Variants in GNG7 observed in about 807,000 individuals in gnomAD.
GNG7 encodes the protein G protein subunit gamma 7, also known as guanine nucleotide-binding protein G(I)/G(S)/G(O) subunit gamma-7.
In GNG7, 1 loss-of-function variant was observed where a neutral mutation model predicts 4.0. The ratio of observed to expected loss-of-function variants is 0.25; its 90% CI spans 0.09 to 1.18. The LOEUF is 1.18. Among genes scored for constraint, GNG7 ranks in the 50% most tolerant of loss-of-function variants. The pLI is 0.50. For missense variants in GNG7, 86 were observed against 91.9 expected (o/e 0.94, Z 0.26); for synonymous variants, 34 against 36.9 (o/e 0.92, Z 0.29).
chr19:2,610,818 C>T (rs970775356), intron 2 of GNG7: 1 of 151,850 alleles, frequency 6.6e-6, no homozygotes, highest in African/African-American at 2.4e-5. Flanking sequence ...GAGGTTTGAA[C>T]CAAAGCGGCC....
At chr19:2,682,460 C>T (rs1003147824) in intron 1 of GNG7, among the ~76,000 whole-genome samples, 1 of 151,078 alleles carries the variant, frequency 6.6e-6, no homozygotes, top group Non-Finnish European at 1.5e-5. Context: ...GTCAGGAGTT[C>T]GAGACCAGCC....
rs371997720 is a variant in GNG7 at position 2,653,584 on chromosome 19, C to T, written c.-134-7304G>A. Among the ~76,000 whole-genome samples, 1 of 152,190 alleles carries T rather than the reference C, an allele frequency of 6.6e-6. No homozygotes were observed. The highest frequency in any genetic ancestry group is 2.4e-5 in the African/African-American group (1 of 41,442). On this transcript the variant is annotated intron_variant, in intron 1 of 4. Transcript: ENST00000382159. The surrounding 1 kb of genome is among the most constrained non-coding windows in gnomAD (Gnocchi z 4.8). Reference sequence around the variant, plus strand: ...CCAGATGAATGTAGGGTCTCCCCCTCGGCACTGTGGGCATTGGGGCCGGAT... The same window carrying T: ...CCAGATGAATGTAGGGTCTCCCCCTTGGCACTGTGGGCATTGGGGCCGGAT...
chr19:2,528,502 CA>C (rs398040841), intron 3 of GNG7, among the ~76,000 whole-genome samples: 56,719 of 128,684 alleles, frequency 0.44, 11,183 homozygotes, highest in Non-Finnish European at 0.49. Context: ...AGAATGGTCT[CA>C]AAAAAAAAAA....
At chr19:2,521,695 C>T (rs1260093073) in intron 3 of GNG7, among the ~76,000 whole-genome samples, 4 of 144,276 alleles carry the variant, frequency 2.8e-5, no homozygotes, top group African/African-American at 1.0e-4. Context: ...CTCACTGCAA[C>T]CTCTGCCTCC....
At chr19:2,518,914 G>C (rs1046587085) in intron 4 of GNG7, among the ~76,000 whole-genome samples, 1 of 151,860 alleles carries the variant, frequency 6.6e-6, no homozygotes, top group Non-Finnish European at 1.5e-5. Flanking sequence ...TCCTGACTCA[G>C]TCTCCCAAGT....
At chr19:2,551,977 G>A (rs539328385) in intron 3 of GNG7, among the ~76,000 whole-genome samples, 124 of 152,162 alleles carry the variant, frequency 8.1e-4, no homozygotes, top group Admixed American at 1.2e-3. Flanking sequence ...GAGCCACGGC[G>A]CCTGACTGCT....
At chr19:2,567,900 A>G (rs927636198) in intron 2 of GNG7, among the ~76,000 whole-genome samples, 2 of 152,192 alleles carry the variant, frequency 1.3e-5, no homozygotes, top group Non-Finnish European at 2.9e-5. Context: ...GCGCTCAGGC[A>G]TGGAAGGGAG....
intron 2 of GNG7, among the ~76,000 whole-genome samples, chr19:2,598,568 A>G (rs1021321375): frequency 6.6e-6 from 1 of 151,860 alleles, no homozygotes; most frequent in African/African-American, 2.4e-5. Flanking sequence ...GAGGCAGGAG[A>G]ATGGTGTGAA....
At chr19:2,545,248 G>T (rs1979087383) in intron 3 of GNG7, among the ~76,000 whole-genome samples, 1 of 152,146 alleles carries the variant, frequency 6.6e-6, no homozygotes, top group African/African-American at 2.4e-5. Flanking sequence ...GGAGGCCAGG[G>T]ATACTGCTCA....
intron 1 of GNG7, among the ~76,000 whole-genome samples, chr19:2,693,567 A>T (rs1383784615): frequency 6.6e-6 from 1 of 152,136 alleles, no homozygotes; most frequent in Non-Finnish European, 1.5e-5. Context: ...ATTTCTGCAA[A>T]CCAGGGTCTC....
At chr19:2,651,945 C>A (rs1371533551) in intron 1 of GNG7, among the ~76,000 whole-genome samples, 2 of 151,822 alleles carry the variant, frequency 1.3e-5, no homozygotes, top group Admixed American at 6.6e-5. Context: ...GAGGCCAAGG[C>A]AGGCAGATCA....
chr19:2,604,340 C>T (rs984768492), intron 2 of GNG7, among the ~76,000 whole-genome samples: 1 of 151,390 alleles, frequency 6.6e-6, no homozygotes, highest in Non-Finnish European at 1.5e-5. Context: ...GATGTGGTGG[C>T]GTGTGCTTGT....
At chr19:2,612,033 C>T (rs113080041) in intron 2 of GNG7, among the ~76,000 whole-genome samples, 3 of 151,950 alleles carry the variant, frequency 2.0e-5, no homozygotes, top group Non-Finnish European at 2.9e-5. Context: ...CGCCACCACG[C>T]CCAGCTAATT....
chr19:2,645,519 A>G lies in GNG7; in HGVS notation c.-78+705T>C, dbSNP rs769482244. 8.2e-4 allele frequency among the ~76,000 whole-genome samples: 125 copies of G among 151,818 alleles called. 4 individuals carry two copies. Among genetic ancestry groups the G allele is most frequent in the Non-Finnish European group, 2.2e-4 (15 of 67,984 alleles). On this transcript the variant is annotated intron_variant, in intron 2 of 4. Transcript: ENST00000382159. ...CTCCCAAAGTGCTGGGATTACAGGC[A>G]TGAGCCACCATGCCTGGCCAAAACC...
intron 3 of GNG7, among the ~76,000 whole-genome samples, chr19:2,538,489 G>T (rs1165495598): frequency 6.7e-6 from 1 of 149,508 alleles, no homozygotes; most frequent in Non-Finnish European, 1.5e-5. Context: ...AAATTAGCCT[G>T]GCATGGTGGT....
At chr19:2,621,919 G>GAC (rs1237252731) in intron 2 of GNG7, among the ~76,000 whole-genome samples, 1 of 152,078 alleles carries the variant, frequency 6.6e-6, no homozygotes, top group Non-Finnish European at 1.5e-5. Flanking sequence ...ACCGTGAGAG[G>GAC]ACACACGTCT....
intron 2 of GNG7, among the ~76,000 whole-genome samples, chr19:2,644,457 AATTC>A (rs1248760218): frequency 9.6e-6 from 1 of 104,482 alleles, no homozygotes; most frequent in Non-Finnish European, 2.2e-5. Flanking sequence ...TAAAATGCAT[AATTC>A]TTTCTGAGTA....
intron 1 of GNG7, among the ~76,000 whole-genome samples, chr19:2,664,982 C>T (rs1983269158): frequency 6.6e-6 from 1 of 151,918 alleles, no homozygotes; most frequent in African/African-American, 2.4e-5. Context: ...TCCACGGACC[C>T]CCAAGATACT....
chr19:2,575,589 GCAGACACGCAGGCACACGCAGGCACACA>G (rs1568249825), intron 2 of GNG7, among the ~76,000 whole-genome samples: 182 of 98,182 alleles, frequency 1.9e-3, no homozygotes, highest in Non-Finnish European at 3.2e-3. Flanking sequence ...GCAGGCACAC[GCAGACACGCAGGCACACGCAGGCACACA>G]CAGACATGCA....
Sources: gnomAD v4.1 joint callset for allele counts (sites outside exome capture counted in the v4.1 genomes callset) on GRCh38, gnomAD v4.1.1 for gene constraint, Gnocchi (gnomAD v3.1) non-coding constraint, MANE v1.5 for transcripts, NCBI Gene and HGNC (gene_info 2026-07-23, HGNC 2026-07-21) for gene names.